CELF2: variants seen among roughly 807,000 people sequenced by gnomAD.
The protein encoded by CELF2 is CUGBP Elav-like family member 2, also known as CUG triplet repeat RNA-binding protein 2.
CELF2 carries 8 observed loss-of-function variants against 62.6 expected under a neutral mutation model. The ratio of observed to expected loss-of-function variants is 0.13; its 90% confidence interval spans 0.07 to 0.23. The LOEUF is 0.23. Among genes scored for constraint, CELF2 ranks in the 10% least tolerant of loss-of-function variants. The probability of loss-of-function intolerance (pLI) is 1.00; values close to 1 mark genes in which losing one functional copy is unlikely to be tolerated. For synonymous variants in CELF2, 258 were observed against 250.0 expected, an observed-to-expected ratio of 1.03 and a Z score of -0.30; for missense variants, 333 against 671.0, an observed-to-expected ratio of 0.50 and a Z score of 5.56.
At chr10:11,162,897 A>G (rs2066050285) in intron 1 of CELF2, among the ~76,000 whole-genome samples, 1 of 152,132 alleles carries the variant, frequency 6.6e-6, no homozygotes, top group African/African-American at 2.4e-5. Flanking sequence ...TTTTACAGAT[A>G]AGAGTCTGAA....
chr10:10,902,562 G>A (rs1350948938), intron 1 of CELF2, among the ~76,000 whole-genome samples: 2 of 152,224 alleles, frequency 1.3e-5, no homozygotes, highest in African/African-American at 4.8e-5. Context: ...TACGTAGAGT[G>A]AAGGAAGGCA....
intron 1 of CELF2, among the ~76,000 whole-genome samples, chr10:10,852,020 T>A (rs2059411613): frequency 6.6e-6 from 1 of 152,238 alleles, no homozygotes; most frequent in East Asian, 1.9e-4. Context: ...ATGCTACAGT[T>A]GCTTTAGAAA....
chr10:10,868,386 G>A (rs111824782), intron 1 of CELF2, among the ~76,000 whole-genome samples: 10,208 of 152,246 alleles, frequency 0.067, 480 homozygotes, highest in East Asian at 0.22. Context: ...ATGTGATTTG[G>A]GTTTATTAAA....
chr10:10,939,690 C>T (rs1186551014), intron 2 of CELF2, among the ~76,000 whole-genome samples: 2 of 151,930 alleles, frequency 1.3e-5, no homozygotes, highest in Non-Finnish European at 2.9e-5. Context: ...CGCGGTGGCT[C>T]ATGCCTGTAA....
intron 1 of CELF2, among the ~76,000 whole-genome samples, chr10:11,047,450 T>C (rs1300658456): frequency 6.6e-6 from 1 of 152,186 alleles, no homozygotes; most frequent in Non-Finnish European, 1.5e-5. Context: ...TTAATATGGC[T>C]GTTGTGCATT....
At position 11,223,878 on chromosome 10, in the gene CELF2, T is replaced by C. The variant is rs1349928193; in HGVS notation, c.354+6371T>C. Among the ~76,000 whole-genome samples, 1 of 152,200 alleles carries C rather than the reference T, an allele frequency of 6.6e-6. No homozygotes were observed. Among genetic ancestry groups the C allele is most frequent in the Admixed American group, 6.5e-5 (1 of 15,290 alleles). ...AGGGCAATGGGAAAGTATATTTTAA[T>C]GCTTAATAAAAGGCCATTACAAATT... On this transcript the variant is annotated intron_variant, in intron 3 of 12. Coordinates refer to ENST00000633077, the MANE Select transcript of CELF2 (RefSeq NM_001326342.2). The surrounding 1 kb of genome is among the most constrained non-coding windows in gnomAD (Gnocchi z 5.1).
At chr10:11,245,579 G>A (rs1447744468) in intron 3 of CELF2, among the ~76,000 whole-genome samples, 1 of 152,230 alleles carries the variant, frequency 6.6e-6, no homozygotes, top group South Asian at 2.1e-4. Context: ...GTTCAGGTGT[G>A]CAGTGGCAGT....
intron 5 of CELF2, among the ~76,000 whole-genome samples, chr10:11,258,749 C>T (rs545455392): frequency 1.3e-5 from 2 of 152,288 alleles, no homozygotes; most frequent in South Asian, 4.1e-4. Context: ...TGCAGTGGCG[C>T]GATCTCAGCT....
At chr10:11,162,898 A>G (rs1202952641) in intron 1 of CELF2, among the ~76,000 whole-genome samples, 1 of 152,178 alleles carries the variant, frequency 6.6e-6, no homozygotes, top group Non-Finnish European at 1.5e-5. Flanking sequence ...TTTACAGATA[A>G]GAGTCTGAAG....
the CELF2 span, among the ~76,000 whole-genome samples, chr10:10,464,429 T>A: frequency 6.6e-6 from 1 of 152,192 alleles, no homozygotes; most frequent in African/African-American, 2.4e-5. Flanking sequence ...CTTGTCTTTT[T>A]TTTTATTGTG....
the CELF2 span, among the ~76,000 whole-genome samples, chr10:10,781,242 A>G: frequency 2.0e-5 from 3 of 152,206 alleles, no homozygotes; most frequent in Admixed American, 1.3e-4. Flanking sequence ...TACCTTTTTT[A>G]TGTTTAAATA....
In CELF2 at chr10:11,238,276, A is replaced by G. The variant is rs11257026; in HGVS notation, c.355-10877A>G. ...TTGTGATCTTCCGAGTGTCGCACAC[A>G]ATTCTCGTGGTCTTTTGTTGTAATT... On this transcript the variant is annotated intron_variant, in intron 3 of 12. Coordinates refer to ENST00000633077, the MANE Select transcript of CELF2 (RefSeq NM_001326342.2). 4.6e-5 allele frequency among the ~76,000 whole-genome samples: 7 copies of G among 152,312 alleles called. No homozygotes were observed. In the East Asian group the frequency reaches 1.2e-3, roughly 25 times the overall value.
intron 1 of CELF2, among the ~76,000 whole-genome samples, chr10:10,864,063 G>A (rs1372741217): frequency 6.6e-6 from 1 of 152,098 alleles, no homozygotes; most frequent in African/African-American, 2.4e-5. Flanking sequence ...TCAGTTTATG[G>A]TTTTAACATG....
chr10:10,549,346 C>A, the CELF2 span, among the ~76,000 whole-genome samples: 11 of 152,116 alleles, frequency 7.2e-5, no homozygotes, highest in East Asian at 1.9e-3. Flanking sequence ...TGCAGTGGTG[C>A]AATCTTGGCT....
intron 1 of CELF2, among the ~76,000 whole-genome samples, chr10:11,084,964 CT>C (rs1285011133): frequency 4.6e-5 from 7 of 152,148 alleles, no homozygotes; most frequent in Non-Finnish European, 7.4e-5. Flanking sequence ...TTGGGATGTT[CT>C]GCTATTACTG....
chr10:10,595,678 C>T, the CELF2 span, among the ~76,000 whole-genome samples: 2 of 152,138 alleles, frequency 1.3e-5, no homozygotes, highest in Admixed American at 6.5e-5. Context: ...CATAAACTGA[C>T]CCTTAATCTG....
At position 11,302,141 on chromosome 10, in the gene CELF2, C is replaced by A. The variant is rs139686856; in HGVS notation, c.977-11998C>A. On this transcript the variant is annotated intron_variant, in intron 9 of 12. Transcript: ENST00000633077. This position sits in a 1 kb window ranked among gnomAD's most constrained non-coding sequence, Gnocchi z 5.0. ...ACAGAACCGTAACTTACCACTCTCA[C>A]CTAGTTTTTGACTCTGGGTTCCTTG... Among the ~76,000 whole-genome samples, 2 of 152,332 alleles carry A rather than the reference C, an allele frequency of 1.3e-5. No individual in the cohort carries two copies. The highest frequency in any genetic ancestry group is 2.4e-5 in the African/African-American group (1 of 41,586).
intron 1 of CELF2, among the ~76,000 whole-genome samples, chr10:11,031,229 G>A (rs1174369662): frequency 1.3e-5 from 2 of 152,040 alleles, no homozygotes; most frequent in Admixed American, 6.5e-5. Flanking sequence ...AGTAACATCC[G>A]TTTTTACTCC....
At chr10:10,752,258 AC>A in the CELF2 span, among the ~76,000 whole-genome samples, 2 of 152,232 alleles carry the variant, frequency 1.3e-5, no homozygotes, top group Non-Finnish European at 2.9e-5. Context: ...TGGCTAAAGT[AC>A]CCATCACAGT....
Sources: allele counts gnomAD v4.1 joint callset (sites outside exome capture counted in the v4.1 genomes callset), GRCh38; gene constraint gnomAD v4.1.1; non-coding constraint Gnocchi (gnomAD v3.1); transcripts MANE v1.5; gene names NCBI Gene and HGNC (gene_info 2026-07-23, HGNC 2026-07-21).